EYS: variants seen among roughly 807,000 people sequenced by gnomAD.
EYS encodes the protein protein eyes shut homolog.
A neutral mutation model predicts 282.1 loss-of-function variants in EYS; 250 were observed. The observed-to-expected ratio is 0.89, with a 90% CI of 0.80 to 0.98. The LOEUF (loss-of-function observed/expected upper bound fraction) is 0.98. Ranked by LOEUF, EYS falls within the 50% of genes least tolerant of loss-of-function variation. The pLI is 0.00. For synonymous variants in EYS, 1,355 were observed against 1,282.9 expected, an observed-to-expected ratio of 1.06 and a Z score of -1.20; for missense variants, 4,016 against 3,709.0, an observed-to-expected ratio of 1.08 and a Z score of -2.15.
intron 11 of EYS, among the ~76,000 whole-genome samples, chr6:65,333,665 T>A (rs1352939352): frequency 6.6e-6 from 1 of 151,692 alleles, no homozygotes. Context: ...TTGAATTGGC[T>A]ATTTCTCCCT....
At chr6:64,862,005 C>A (rs1055006277) in intron 19 of EYS, among the ~76,000 whole-genome samples, 1 of 152,162 alleles carries the variant, frequency 6.6e-6, no homozygotes, top group Non-Finnish European at 1.5e-5. Context: ...GACAAATTAT[C>A]TGCTTTATTA....
chr6:65,477,927 T>C (rs1765468883), intron 5 of EYS, among the ~76,000 whole-genome samples: 1 of 152,182 alleles, frequency 6.6e-6, no homozygotes, highest in Non-Finnish European at 1.5e-5. Context: ...AATTGTGTCA[T>C]ACCTATTTTC....
chr6:64,380,766 C>A (rs1264675406), intron 29 of EYS, among the ~76,000 whole-genome samples: 1 of 152,046 alleles, frequency 6.6e-6, no homozygotes, highest in Non-Finnish European at 1.5e-5. Flanking sequence ...GCCTATAATA[C>A]CAGCACTTTG....
At chr6:65,059,081 G>A (rs1429470660) in intron 12 of EYS, among the ~76,000 whole-genome samples, 1 of 151,862 alleles carries the variant, frequency 6.6e-6, no homozygotes, top group East Asian at 1.9e-4. Context: ...TAGAACATCA[G>A]GGTAAGCTGA....
chr6:65,545,111 C>A (rs1768332605), intron 2 of EYS, among the ~76,000 whole-genome samples: 2 of 151,964 alleles, frequency 1.3e-5, no homozygotes, highest in Admixed American at 1.3e-4. Context: ...CTCTTACATT[C>A]ATTAGTTTAA....
At chr6:64,197,979 TTTTA>T (rs368337390) in intron 31 of EYS, among the ~76,000 whole-genome samples, 13 of 140,516 alleles carry the variant, frequency 9.3e-5, no homozygotes, top group Admixed American at 1.4e-4. Context: ...TCTTTTTAAT[TTTTA>T]TTTATTTATT....
intron 31 of EYS, among the ~76,000 whole-genome samples, chr6:64,155,934 T>G (rs1774900636): frequency 6.6e-6 from 1 of 151,958 alleles, no homozygotes; most frequent in African/African-American, 2.4e-5. Flanking sequence ...CACAAAACCC[T>G]TCAGCTACCT....
At chr6:64,355,809 G>A (rs1193187319) in intron 29 of EYS, among the ~76,000 whole-genome samples, 3 of 151,614 alleles carry the variant, frequency 2.0e-5, no homozygotes, top group Admixed American at 6.6e-5. Flanking sequence ...AATAACACTC[G>A]TATAATTAGC....
At chr6:65,455,422 G>T (rs761202446) in intron 5 of EYS, among the ~76,000 whole-genome samples, 1 of 151,790 alleles carries the variant, frequency 6.6e-6, no homozygotes, top group Non-Finnish European at 1.5e-5. Flanking sequence ...TTTCTATAAA[G>T]AATTTTAAGA....
intron 26 of EYS, among the ~76,000 whole-genome samples, chr6:64,467,362 A>G (rs1356692822): frequency 6.6e-6 from 1 of 152,220 alleles, no homozygotes; most frequent in South Asian, 2.1e-4. Flanking sequence ...TGAAAAACTG[A>G]TTTGACATAA....
chr6:65,629,108 T>C (rs568594031), intron 2 of EYS, among the ~76,000 whole-genome samples: 1 of 152,318 alleles, frequency 6.6e-6, no homozygotes, highest in South Asian at 2.1e-4. Flanking sequence ...TTTAAGATGA[T>C]GCTCAGTCAA....
At chr6:64,148,404 A>T (rs1036660071) in intron 31 of EYS, among the ~76,000 whole-genome samples, 1 of 152,098 alleles carries the variant, frequency 6.6e-6, no homozygotes, top group Non-Finnish European at 1.5e-5. Context: ...TCTTTTTCTT[A>T]TGTAGTACAC....
rs201731083 is a variant in EYS, at chr6:65,403,417, CATT to C, written c.1057-815_1057-813del. ...TCTTTGTTATCCTTATCATCATCAT[CATT>C]ACCATCATTTTCATTATCATATTTA... On this transcript the variant is annotated intron_variant, in intron 6 of 42. Transcript: ENST00000503581. 5.2e-3 allele frequency among the ~76,000 whole-genome samples: 784 copies of C among 152,062 alleles called. 9 individuals are homozygous for C. Among genetic ancestry groups the C allele is most frequent in the African/African-American group, 0.018 (748 of 41,498 alleles).
At chr6:63,905,626 G>T (rs1395777765) in intron 35 of EYS, among the ~76,000 whole-genome samples, 1 of 152,026 alleles carries the variant, frequency 6.6e-6, no homozygotes, top group East Asian at 1.9e-4. Context: ...CACCGCGCCT[G>T]GCCAAATAAG....
chr6:65,091,537 G>A lies in EYS; in HGVS notation c.2024-33810C>T, dbSNP rs994376970. ...ATAATTCATACATGTATTTTGTTAC[G>A]ATTAAAAATAATCTGACAACAAATG... On this transcript the variant is annotated intron_variant, in intron 12 of 42. Coordinates refer to ENST00000503581, the MANE Select transcript of EYS (RefSeq NM_001142800.2). Among the ~76,000 whole-genome samples, 35 of 151,790 alleles carry A rather than the reference G, an allele frequency of 2.3e-4. 1 individual carries two copies. The highest frequency in any genetic ancestry group is 1.3e-3 in the Admixed American group (20 of 15,226).
intron 12 of EYS, among the ~76,000 whole-genome samples, chr6:65,254,174 G>A (rs1227173026): frequency 6.6e-6 from 1 of 151,810 alleles, no homozygotes. Context: ...GAGCAGTTGA[G>A]TATTGCTCTT....
At chr6:65,009,023 A>G (rs534977170) in intron 13 of EYS, among the ~76,000 whole-genome samples, 2 of 152,242 alleles carry the variant, frequency 1.3e-5, no homozygotes, top group Non-Finnish European at 2.9e-5. Flanking sequence ...CTTGTTAGGG[A>G]GAGACATTCT....
intron 33 of EYS, among the ~76,000 whole-genome samples, chr6:64,038,972 T>G (rs1200770107): frequency 6.6e-6 from 1 of 152,102 alleles, no homozygotes; most frequent in African/African-American, 2.4e-5. Context: ...GTATGGCTAA[T>G]TTTTGTATTT....
At chr6:64,107,000 G>T (rs972972823) in intron 31 of EYS, among the ~76,000 whole-genome samples, 1 of 150,220 alleles carries the variant, frequency 6.7e-6, no homozygotes, top group Non-Finnish European at 1.5e-5. Context: ...TAGTATTTTT[G>T]GTCTCTAATA....
Sources: gnomAD v4.1 joint callset for allele counts (sites outside exome capture counted in the v4.1 genomes callset) on GRCh38, gnomAD v4.1.1 for gene constraint, MANE v1.5 for transcripts, NCBI Gene and HGNC (gene_info 2026-07-23, HGNC 2026-07-21) for gene names.